Variants in CRYBG1 observed in about 807,000 individuals in gnomAD.
CRYBG1 encodes beta/gamma crystallin domain-containing protein 1.
Under a neutral mutation model 189.2 loss-of-function variants are expected in CRYBG1, and 139 were observed. The observed-to-expected ratio is 0.73, with a 90% CI of 0.64 to 0.85. The LOEUF (loss-of-function observed/expected upper bound fraction) is 0.85. Ranked by LOEUF, CRYBG1 falls within the 40% of genes least tolerant of loss-of-function variation. The pLI, the probability that CRYBG1 is intolerant of heterozygous loss-of-function variation, is 0.00. For missense variants in CRYBG1, 2,611 were observed against 2,675.8 expected (o/e 0.98, Z 0.53); for synonymous variants, 1,023 against 1,017.1 (o/e 1.01, Z -0.11).
At chr6:106,559,402 G>T in intron 18 of CRYBG1, among the ~76,000 whole-genome samples, 1 of 152,150 alleles carries the variant, frequency 6.6e-6, no homozygotes, top group African/African-American at 2.4e-5. Context: ...ATGTTTTTAA[G>T]AAAGTATTTT....
At chr6:106,469,382 T>G (rs1772182650) in intron 2 of CRYBG1, among the ~76,000 whole-genome samples, 1 of 152,228 alleles carries the variant, frequency 6.6e-6, no homozygotes, top group African/African-American at 2.4e-5. Flanking sequence ...ACAATATAAA[T>G]TCCACAAAGC....
intron 8 of CRYBG1, among the ~76,000 whole-genome samples, chr6:106,538,011 G>A (rs783401): frequency 0.91 from 138,432 of 152,264 alleles, 63,048 homozygotes; most frequent in South Asian, 0.96. Flanking sequence ...GGTCAGACCC[G>A]TTTTGTTGGT....
intron 1 of CRYBG1, among the ~76,000 whole-genome samples, chr6:106,413,098 C>T (rs1770959474): frequency 6.6e-6 from 1 of 152,178 alleles, no homozygotes; most frequent in Admixed American, 6.5e-5. Flanking sequence ...CTGCTCCCAA[C>T]CTCTGTCATG....
intron 1 of CRYBG1, among the ~76,000 whole-genome samples, chr6:106,445,421 T>C (rs957285585): frequency 1.3e-5 from 2 of 152,188 alleles, no homozygotes; most frequent in African/African-American, 4.8e-5. Context: ...AATGGTATGG[T>C]TGGGTCACTA....
At chr6:106,500,844 A>AT (rs1420106682) in intron 2 of CRYBG1, among the ~76,000 whole-genome samples, 2 of 152,182 alleles carry the variant, frequency 1.3e-5, no homozygotes, top group Admixed American at 6.5e-5. Flanking sequence ...TAGAAACTAG[A>AT]TTTTGGGGAG....
intron 2 of CRYBG1, among the ~76,000 whole-genome samples, chr6:106,466,631 T>G (rs1213186577): frequency 6.6e-6 from 1 of 152,214 alleles, no homozygotes; most frequent in African/African-American, 2.4e-5. Flanking sequence ...ATTTTATTTA[T>G]GAATAAAGGA....
chr6:106,516,081 G>A (rs1027841487), intron 3 of CRYBG1, among the ~76,000 whole-genome samples: 18 of 151,612 alleles, frequency 1.2e-4, no homozygotes, highest in Non-Finnish European at 2.9e-5. Context: ...ATCAGCCACT[G>A]ATCCCAGCCT....
chr6:106,538,752 C>T (rs1276917366), intron 8 of CRYBG1, among the ~76,000 whole-genome samples: 2 of 151,900 alleles, frequency 1.3e-5, no homozygotes, highest in African/African-American at 2.4e-5. Context: ...AAAACTTAGT[C>T]GGATGTGGTG....
At chr6:106,554,894 C>A (rs146001090) in intron 16 of CRYBG1, among the ~76,000 whole-genome samples, 2 of 152,062 alleles carry the variant, frequency 1.3e-5, no homozygotes, top group South Asian at 4.2e-4. Flanking sequence ...GGGCCAGGCA[C>A]GGTGACTCAC....
intron 1 of CRYBG1, among the ~76,000 whole-genome samples, chr6:106,405,005 A>C (rs1770795244): frequency 6.6e-6 from 1 of 150,966 alleles, no homozygotes; most frequent in Non-Finnish European, 1.5e-5. Flanking sequence ...TTCATACCCC[A>C]GTGGTGTCTG....
Position 106,520,125 on chromosome 6 carries a change from C to G in CRYBG1, c.2917C>G (p.Gln973Glu), listed in dbSNP as rs927473418. The change falls in exon 4 of 22, where the codon CAG becomes GAG. Residue 973 changes from glutamine to glutamate, a missense_variant. Gln to Glu is a conservative substitution (Grantham distance 29). Coordinates refer to ENST00000633556, the MANE Select transcript of CRYBG1 (RefSeq NM_001371242.2). ...PVESTQDVSS[Q>E]VIPESSEVRE... ...GGAGAGCACCCAGGATGTGAGCTCC[C>G]AGGTCATCCCAGAGAGCTCTGAAGT... 1.2e-6 allele frequency: 2 copies of G among 1,614,000 alleles called. No homozygotes were observed. The highest frequency in any genetic ancestry group is 2.2e-5 in the East Asian group (1 of 44,894).
At position 106,521,099 on chromosome 6, in the gene CRYBG1, C is replaced by G. The variant is rs780076876; in HGVS notation, c.3891C>G (p.Asn1297Lys). The G allele has an allele frequency of 6.2e-7, 1 of 1,614,148 alleles. No individual in the cohort carries two copies. Among genetic ancestry groups the G allele is most frequent in the Non-Finnish European group, 8.5e-7 (1 of 1,180,018 alleles). Residue 1297 changes from asparagine to lysine, a missense_variant, in exon 4 of 22, where the codon AAC becomes AAG. Coordinates refer to ENST00000633556, the MANE Select transcript of CRYBG1 (RefSeq NM_001371242.2). ...AGGGTGCCCCGCCCTGTGGTTTGAACAAAGAACAGTCAAATCTTCTGCCCG... is the reference window on the plus strand; with the variant it reads ...AGGGTGCCCCGCCCTGTGGTTTGAAGAAAGAACAGTCAAATCTTCTGCCCG... ...TTEGAPPCGLNKEQSNLLPDN... is the reference protein window; with the variant it reads ...TTEGAPPCGLKKEQSNLLPDN...
At chr6:106,515,966 A>AT (rs1773409241) in intron 3 of CRYBG1, among the ~76,000 whole-genome samples, 1 of 150,736 alleles carries the variant, frequency 6.6e-6, no homozygotes, top group Admixed American at 6.6e-5. Context: ...TAATTTTTGT[A>AT]TTTTTTTAGA....
At chr6:106,415,242 G>A (rs1771000186) in intron 1 of CRYBG1, among the ~76,000 whole-genome samples, 1 of 152,186 alleles carries the variant, frequency 6.6e-6, no homozygotes, top group African/African-American at 2.4e-5. Context: ...TTTGTTTTCA[G>A]GAAGTGGCCA....
intron 2 of CRYBG1, among the ~76,000 whole-genome samples, chr6:106,487,653 G>A (rs777064623): frequency 3.9e-5 from 6 of 152,036 alleles, no homozygotes; most frequent in Non-Finnish European, 7.4e-5. Context: ...CAAGATTTCT[G>A]TTTGGTTCTT....
chr6:106,453,085 A>G (rs1388630757), intron 2 of CRYBG1, among the ~76,000 whole-genome samples: 1 of 152,242 alleles, frequency 6.6e-6, no homozygotes, highest in Non-Finnish European at 1.5e-5. Flanking sequence ...CTGCACAACA[A>G]TATGAATGTA....
At chr6:106,371,826 A>G (rs1770042842) in intron 1 of CRYBG1, among the ~76,000 whole-genome samples, 1 of 152,230 alleles carries the variant, frequency 6.6e-6, no homozygotes, top group South Asian at 2.1e-4. Context: ...GTTACCCTGT[A>G]AAAGGTTTCA....
intron 1 of CRYBG1, among the ~76,000 whole-genome samples, chr6:106,397,976 G>A (rs75178354): frequency 0.02 from 3,050 of 152,104 alleles, 107 homozygotes; most frequent in African/African-American, 0.069. Flanking sequence ...TGTCATCAAG[G>A]GAGGTACTCA....
Position 106,451,750 on chromosome 6 carries a change from T to C in CRYBG1, c.230T>C (p.Leu77Pro). Residue 77 changes from leucine (L) to proline (P), a missense_variant, in exon 2 of 22, where the codon CTG (leucine) becomes CCG (proline). By Grantham distance (98) the Leu-to-Pro change is moderately conservative (BLOSUM62 -3). Transcript: ENST00000633556. ...GTTCGAGACTCCCAGGAATTTCCAC[T>C]GCACTGTGGGGAATCCCAGTTCTTC... ...YVVRDSQEFPLHCGESQFFHT... is the reference protein window; with the variant it reads ...YVVRDSQEFPPHCGESQFFHT... 6.5e-7 allele frequency: 1 copy of C among 1,534,922 alleles called. No individual in the cohort carries two copies. The highest frequency in any genetic ancestry group is 8.7e-7 in the Non-Finnish European group (1 of 1,146,420).
Sources: gnomAD v4.1 joint callset for allele counts (sites outside exome capture counted in the v4.1 genomes callset) on GRCh38, gnomAD v4.1.1 for gene constraint, MANE v1.5 for transcripts, NCBI Gene and HGNC (gene_info 2026-07-23, HGNC 2026-07-21) for gene names.